Variants in AOPEP observed in about 807,000 individuals in gnomAD.
AOPEP encodes aminopeptidase O (putative).
Under a neutral mutation model 98.1 loss-of-function variants are expected in AOPEP, and 77 were observed. The ratio of observed to expected loss-of-function variants is 0.78; its 90% CI spans 0.65 to 0.95. The LOEUF is 0.95. Ranked by LOEUF, AOPEP falls within the 40% of genes least tolerant of loss-of-function variation. The pLI, the probability that AOPEP is intolerant of heterozygous loss-of-function variation, is 0.00. For synonymous variants in AOPEP, 346 were observed against 365.3 expected (o/e 0.95, Z 0.60); for missense variants, 1,024 against 1,024.7 (o/e 1.00, Z 0.01).
At chr9:94,765,676 TC>T (rs1839440122) in intron 2 of AOPEP, among the ~76,000 whole-genome samples, 1 of 151,998 alleles carries the variant, frequency 6.6e-6, no homozygotes, top group Admixed American at 6.6e-5. Context: ...AGAGCTGTTT[TC>T]CCACTTTACC....
At chr9:94,746,119 G>T (rs879342973) in intron 1 of AOPEP, among the ~76,000 whole-genome samples, 1 of 152,162 alleles carries the variant, frequency 6.6e-6, no homozygotes, top group Non-Finnish European at 1.5e-5. Context: ...TGTTGTGCCC[G>T]CCTCTCCCTT....
At chr9:94,954,276 A>T (rs1487694143) in intron 7 of AOPEP, among the ~76,000 whole-genome samples, 1 of 152,140 alleles carries the variant, frequency 6.6e-6, no homozygotes, top group Non-Finnish European at 1.5e-5. Flanking sequence ...GTGAGCCAAG[A>T]TCGCACCACT....
chr9:94,945,624 C>T (rs2057531414), intron 7 of AOPEP, among the ~76,000 whole-genome samples: 1 of 152,150 alleles, frequency 6.6e-6, no homozygotes. Context: ...TGCTGTCCTC[C>T]ACTGAGGAGG....
chr9:94,738,105 T>A (rs1832178480), intron 1 of AOPEP, among the ~76,000 whole-genome samples: 1 of 152,154 alleles, frequency 6.6e-6, no homozygotes, highest in Non-Finnish European at 1.5e-5. Flanking sequence ...GTAGTGAGGA[T>A]TTAATGCAAT....
intron 11 of AOPEP, among the ~76,000 whole-genome samples, chr9:94,990,348 A>G (rs1027436747): frequency 1.3e-5 from 2 of 152,204 alleles, no homozygotes; most frequent in African/African-American, 4.8e-5. Context: ...CACTGAAGGA[A>G]GGACTACTGC....
At chr9:94,743,193 A>AGAAGAAGAAGAG (rs1554695832) in intron 1 of AOPEP, among the ~76,000 whole-genome samples, 15 of 122,004 alleles carry the variant, frequency 1.2e-4, no homozygotes, top group South Asian at 3.0e-4. Context: ...AAGAAGAAGA[A>AGAAGAAGAAGAG]GAAGAAGAGG....
chr9:95,064,932 C>G (rs1002737878), intron 14 of AOPEP, among the ~76,000 whole-genome samples: 1 of 152,194 alleles, frequency 6.6e-6, no homozygotes, highest in African/African-American at 2.4e-5. Flanking sequence ...AGTTGTGGTT[C>G]TGTTCGTTCC....
At chr9:95,138,058 A>G in the AOPEP span, among the ~76,000 whole-genome samples, 6 of 152,244 alleles carry the variant, frequency 3.9e-5, no homozygotes, top group Admixed American at 3.9e-4. Flanking sequence ...AAAGGCTGAA[A>G]AGCAGTGGCT....
intron 11 of AOPEP, among the ~76,000 whole-genome samples, chr9:94,998,120 T>C (rs2061350317): frequency 6.6e-6 from 1 of 151,940 alleles, no homozygotes; most frequent in South Asian, 2.1e-4. Context: ...CAGTAGACTT[T>C]TATGGTATGG....
chr9:95,102,560 T>C, the AOPEP span, among the ~76,000 whole-genome samples: 1 of 152,254 alleles, frequency 6.6e-6, no homozygotes, highest in African/African-American at 2.4e-5. Context: ...AACCGATATA[T>C]TCACTTAGTG....
chr9:94,825,831 A>G (rs1158243723), intron 5 of AOPEP, among the ~76,000 whole-genome samples: 1 of 152,230 alleles, frequency 6.6e-6, no homozygotes, highest in Non-Finnish European at 1.5e-5. Flanking sequence ...ATAACTAGCT[A>G]TAAAAATTTG....
intron 4 of AOPEP, among the ~76,000 whole-genome samples, chr9:94,799,991 A>G (rs528159285): frequency 4.3e-4 from 65 of 152,202 alleles, no homozygotes; most frequent in Non-Finnish European, 8.2e-4. Flanking sequence ...AGTTCTCTTG[A>G]GTCCTGTGAG....
At position 94,792,931 on chromosome 9, in the gene AOPEP, G is replaced by T; in HGVS notation, c.1118+13G>T. 4 of 1,578,538 alleles carry T rather than the reference G, an allele frequency of 2.5e-6. No homozygotes were observed. The highest frequency in any genetic ancestry group is 1.7e-6 in the Non-Finnish European group (2 of 1,163,756). ...AGGCCAACTTCAGGTTTGTGTTTGG[G>T]GACTTGCTGGGAAGGAAAAAAAAAA... On this transcript the variant is annotated intron_variant, in intron 4 of 16. Transcript: ENST00000375315.
intron 11 of AOPEP, among the ~76,000 whole-genome samples, chr9:95,001,808 C>T (rs1388436035): frequency 3.3e-5 from 5 of 152,092 alleles, no homozygotes; most frequent in Admixed American, 3.3e-4. Context: ...GGCAGGATCT[C>T]ACTCTGTTGC....
At chr9:94,866,006 T>C (rs772671041) in intron 5 of AOPEP, among the ~76,000 whole-genome samples, 16 of 152,210 alleles carry the variant, frequency 1.1e-4, no homozygotes, top group Non-Finnish European at 2.4e-4. Context: ...CCATTGCAAA[T>C]GGCATCATTG....
At chr9:94,731,790 CTTTTTTT>C (rs564831468) in intron 1 of AOPEP, among the ~76,000 whole-genome samples, 2 of 86,282 alleles carry the variant, frequency 2.3e-5, no homozygotes, top group East Asian at 3.3e-4. Flanking sequence ...TCTCTTTTGC[CTTTTTTT>C]TTTTTTTTTT....
At chr9:94,768,116 T>C (rs1017640275) in intron 2 of AOPEP, among the ~76,000 whole-genome samples, 3 of 152,194 alleles carry the variant, frequency 2.0e-5, no homozygotes, top group Admixed American at 2.0e-4. Context: ...CCTGAAGACC[T>C]TGTAACCCTT....
chr9:94,822,172 C>T (rs1588398352), intron 5 of AOPEP, among the ~76,000 whole-genome samples: 1 of 152,192 alleles, frequency 6.6e-6, no homozygotes, highest in African/African-American at 2.4e-5. Flanking sequence ...ACATGGCAGA[C>T]GAGCTGCTGG....
At chr9:94,933,062 C>A in intron 7 of AOPEP, 2 of 985,588 alleles carry the variant, frequency 2.0e-6, no homozygotes, top group African/African-American at 1.7e-5. Flanking sequence ...CTCTTCATCT[C>A]CTCTCTGGCC....
Sources: allele counts gnomAD v4.1 joint callset (sites outside exome capture counted in the v4.1 genomes callset), GRCh38; gene constraint gnomAD v4.1.1; transcripts MANE v1.5; gene names NCBI Gene and HGNC (gene_info 2026-07-23, HGNC 2026-07-21).